DGLUCY: variants seen among roughly 807,000 people sequenced by gnomAD.
The protein encoded by DGLUCY is D-glutamate cyclase, mitochondrial.
In DGLUCY, 58 loss-of-function variants were observed where a neutral mutation model predicts 58.5. The ratio of observed to expected loss-of-function variants is 0.99; its 90% CI spans 0.80 to 1.23. The LOEUF (loss-of-function observed/expected upper bound fraction) is 1.23, where lower values mean the gene tolerates loss of function less well. DGLUCY is among the 50% of genes most tolerant of loss of function. The pLI, the probability that DGLUCY is intolerant of heterozygous loss-of-function variation, is 0.00. For missense variants in DGLUCY, 779 were observed against 784.7 expected, an observed-to-expected ratio of 0.99 and a Z score of 0.09; for synonymous variants, 325 against 314.1, an observed-to-expected ratio of 1.03 and a Z score of -0.37.
chr14:91,110,625 T>G (rs2044677890), upstream of DGLUCY, among the ~76,000 whole-genome samples: 1 of 151,878 alleles, frequency 6.6e-6, no homozygotes, highest in African/African-American at 2.4e-5. Context: ...GAGACAAGGG[T>G]ACTCCATGTT....
chr14:91,143,198 C>A (rs1350254076), intron 1 of DGLUCY, among the ~76,000 whole-genome samples: 5 of 151,758 alleles, frequency 3.3e-5, no homozygotes, highest in Non-Finnish European at 5.9e-5. Flanking sequence ...CGGGTTCATG[C>A]CATTCTCCTG....
intron 7 of DGLUCY, 113 bp from the exon 8 acceptor site, chr14:91,181,073 C>A: frequency 1.0e-6 from 1 of 952,386 alleles, no homozygotes; most frequent in Non-Finnish European, 1.6e-6. Context: ...ATAGGGAGTG[C>A]TTAGGCTGAG....
chr14:91,075,027 G>A (rs914613357), intron 1 of DGLUCY, among the ~76,000 whole-genome samples: 1 of 150,238 alleles, frequency 6.7e-6, no homozygotes, highest in Non-Finnish European at 1.5e-5. Context: ...AGCCAAGATC[G>A]TGCCATTGCA....
chr14:91,098,942 A>T (rs1486963101), intron 1 of DGLUCY, among the ~76,000 whole-genome samples: 1 of 152,162 alleles, frequency 6.6e-6, no homozygotes, highest in Admixed American at 6.6e-5. Flanking sequence ...TAATGGAATA[A>T]AAGAAAATTT....
upstream of DGLUCY, among the ~76,000 whole-genome samples, chr14:91,104,267 T>G (rs540795384): frequency 6.6e-6 from 1 of 151,768 alleles, no homozygotes; most frequent in Non-Finnish European, 1.5e-5. Context: ...TTTCACCGTG[T>G]TAGCCAGGAT....
chr14:91,139,160 G>A (rs1213842459), intron 1 of DGLUCY, among the ~76,000 whole-genome samples: 2 of 152,114 alleles, frequency 1.3e-5, no homozygotes, highest in Non-Finnish European at 2.9e-5. Flanking sequence ...TGAGTCCAAA[G>A]GCCTGAGGAC....
intron 9 of DGLUCY, among the ~76,000 whole-genome samples, chr14:91,192,693 A>G (rs911294659): frequency 6.6e-6 from 1 of 152,176 alleles, no homozygotes; most frequent in Non-Finnish European, 1.5e-5. Context: ...AATCCCAGCT[A>G]CCTGGAAGGC....
chr14:91,108,964 C>G (rs973411414), intron 1 of DGLUCY, among the ~76,000 whole-genome samples: 2 of 152,016 alleles, frequency 1.3e-5, no homozygotes, highest in Admixed American at 1.3e-4. Flanking sequence ...ATTGTGATGC[C>G]CCAGGCCCAT....
chr14:91,093,795 AAAACAAAC>A (rs55667197), intron 1 of DGLUCY, among the ~76,000 whole-genome samples: 23 of 150,958 alleles, frequency 1.5e-4, no homozygotes, highest in Admixed American at 1.1e-3. Flanking sequence ...ACAGAGCAAC[AAAACAAAC>A]AAACAAACAA....
upstream of DGLUCY, among the ~76,000 whole-genome samples, chr14:91,111,573 G>A (rs1049004702): frequency 2.6e-5 from 4 of 152,078 alleles, no homozygotes; most frequent in Non-Finnish European, 5.9e-5. Flanking sequence ...GAGTCACTGT[G>A]CCCAGCCTTT....
intron 12 of DGLUCY, among the ~76,000 whole-genome samples, chr14:91,207,267 G>C (rs1170490746): frequency 6.7e-6 from 1 of 149,612 alleles, no homozygotes; most frequent in Non-Finnish European, 1.5e-5. Context: ...GCTATGGAAA[G>C]AATCTCTGAG....
chr14:91,074,045 C>G (rs2043966712), intron 1 of DGLUCY, among the ~76,000 whole-genome samples: 1 of 147,050 alleles, frequency 6.8e-6, no homozygotes, highest in Non-Finnish European at 1.5e-5. Context: ...TGCTTGATCC[C>G]AGGAGTTTGA....
Position 91,213,691 on chromosome 14 carries a change from A to ATTGTTTGTTTGTTTGTTTGTTTGT in DGLUCY, c.1565-1708_1565-1685dup, listed in dbSNP as rs60700798. On this transcript the variant is annotated intron_variant, in intron 12 of 13. Coordinates refer to ENST00000256324, the MANE Select transcript of DGLUCY (RefSeq NM_001102368.3). ...CCACATGCCTTTGTATTCACTGAAG[A>ATTGTTTGTTTGTTTGTTTGTTTGT]TTGTTTGTTTGTTTGTTTGTTTGTT... 1.1e-4 allele frequency among the ~76,000 whole-genome samples: 16 copies of ATTGTTTGTTTGTTTGTTTGTTTGT among 150,212 alleles called. No individual in the cohort carries two copies. In the South Asian group the frequency reaches 1.1e-3, roughly 10 times the overall value.
chr14:91,136,946 G>T (rs2046375410), intron 1 of DGLUCY, among the ~76,000 whole-genome samples: 1 of 151,738 alleles, frequency 6.6e-6, no homozygotes, highest in South Asian at 2.1e-4. Flanking sequence ...TCTAGCCTGG[G>T]CAACAAAAGC....
At chr14:91,079,703 A>C (rs1014539018) in intron 1 of DGLUCY, among the ~76,000 whole-genome samples, 10 of 152,238 alleles carry the variant, frequency 6.6e-5, no homozygotes, top group Non-Finnish European at 1.3e-4. Flanking sequence ...CAACACTGTG[A>C]TGAAGAGCTT....
In DGLUCY at chr14:91,135,069, G is replaced by A. The variant is rs554934197; in HGVS notation, c.-82+20786G>A. ...TCCCGAAGTAGCTGGGACTACAGCC[G>A]CACACCACCATGCCCAGCTAATTTT... On this transcript the variant is annotated intron_variant, in intron 1 of 13. Coordinates refer to ENST00000256324, the MANE Select transcript of DGLUCY (RefSeq NM_001102368.3). Among the ~76,000 whole-genome samples, 3 of 151,806 alleles carry A rather than the reference G, an allele frequency of 2.0e-5. No individual in the cohort carries two copies. The East Asian group carries it at 5.8e-4, about 30-fold the overall frequency.
At chr14:91,170,467 T>A (rs1169796286) in intron 5 of DGLUCY, among the ~76,000 whole-genome samples, 2 of 152,140 alleles carry the variant, frequency 1.3e-5, no homozygotes, top group East Asian at 3.9e-4. Context: ...CTGCTTGGGA[T>A]TTCTCTGGCT....
At chr14:91,066,939 T>G in intron 1 of DGLUCY, among the ~76,000 whole-genome samples, 1 of 150,190 alleles carries the variant, frequency 6.7e-6, no homozygotes. Flanking sequence ...AAATTAGCCG[T>G]GCATGGTGGC....
intron 1 of DGLUCY, among the ~76,000 whole-genome samples, chr14:91,087,734 G>A (rs183091856): frequency 5.3e-5 from 8 of 152,264 alleles, no homozygotes; most frequent in South Asian, 4.1e-4. Context: ...TGGAAACTGG[G>A]CACAGCAGTA....
Sources: allele counts gnomAD v4.1 joint callset (sites outside exome capture counted in the v4.1 genomes callset), GRCh38; gene constraint gnomAD v4.1.1; transcripts MANE v1.5; gene names NCBI Gene and HGNC (gene_info 2026-07-23, HGNC 2026-07-21).